Variants in NTN1 observed in about 807,000 individuals in gnomAD.
NTN1 encodes netrin 1, also known as netrin-1.
In NTN1, 11 loss-of-function variants were observed where a neutral mutation model predicts 54.2. The observed-to-expected ratio is 0.20, with a 90% confidence interval of 0.13 to 0.34. The LOEUF is 0.34. NTN1 is among the 10% of genes least tolerant of loss of function. The probability of loss-of-function intolerance (pLI) is 1.00; values close to 1 mark genes in which losing one functional copy is unlikely to be tolerated. For synonymous variants in NTN1, 371 were observed against 382.0 expected (o/e 0.97, Z 0.33); for missense variants, 740 against 893.1 (o/e 0.83, Z 2.18).
intron 4 of NTN1, among the ~76,000 whole-genome samples, chr17:9,180,998 C>T (rs935973128): frequency 5.3e-5 from 8 of 152,150 alleles, no homozygotes; most frequent in Non-Finnish European, 1.5e-5. Flanking sequence ...GCTGAGGTCT[C>T]CCGTCAGGGA....
chr17:9,005,603 T>C, the NTN1 span, among the ~76,000 whole-genome samples: 1 of 152,174 alleles, frequency 6.6e-6, no homozygotes, highest in Admixed American at 6.5e-5. Flanking sequence ...ATCAGGTTCT[T>C]TACCTAGCAG....
Position 9,243,338 on chromosome 17 carries a change from C to G in NTN1, c.*3370C>G, listed in dbSNP as rs78601898. 2 of 150,270 alleles carry G rather than the reference C, an allele frequency of 1.3e-5. No homozygotes were observed. Among genetic ancestry groups the G allele is most frequent in the African/African-American group, 5.1e-5 (2 of 39,560 alleles). 9.3% of individuals were successfully genotyped at this position (150,270 alleles called of 1,614,324 possible). ...CAAGGCCCTGGAACTCTGCCTCAGT[C>G]GCGGCATGCTGGAGAGGGGTACGGA... On this transcript the variant is annotated 3_prime_UTR_variant, in exon 7 of 7. Transcript: ENST00000173229.
intron 2 of NTN1, among the ~76,000 whole-genome samples, chr17:9,040,183 C>A (rs1033044637): frequency 4.6e-5 from 7 of 152,154 alleles, no homozygotes; most frequent in African/African-American, 1.7e-4. Flanking sequence ...GAAATTTTAG[C>A]CATTCCAATA....
At chr17:9,042,035 A>G (rs371559995) in intron 2 of NTN1, among the ~76,000 whole-genome samples, 1 of 151,430 alleles carries the variant, frequency 6.6e-6, no homozygotes, top group African/African-American at 2.4e-5. Context: ...AAGACAACTA[A>G]CTGTGTTTAA....
At chr17:9,105,061 G>T (rs2092161638) in intron 2 of NTN1, among the ~76,000 whole-genome samples, 1 of 152,216 alleles carries the variant, frequency 6.6e-6, no homozygotes, top group Non-Finnish European at 1.5e-5. Flanking sequence ...GAGAGACCCG[G>T]CAGTCCAAGG....
intron 2 of NTN1, among the ~76,000 whole-genome samples, chr17:9,074,182 G>A (rs556582339): frequency 6.6e-6 from 1 of 152,206 alleles, no homozygotes; most frequent in African/African-American, 2.4e-5. Flanking sequence ...GAACCAGTGC[G>A]GGAGGGAAGC....
chr17:9,190,324 C>T (rs1012833182), intron 5 of NTN1, among the ~76,000 whole-genome samples: 5 of 152,272 alleles, frequency 3.3e-5, no homozygotes, highest in African/African-American at 1.2e-4. Context: ...TATCAGTTCG[C>T]CCAGAAATAA....
At chr17:9,204,864 G>C (rs1368161652) in intron 5 of NTN1, among the ~76,000 whole-genome samples, 1 of 152,012 alleles carries the variant, frequency 6.6e-6, no homozygotes, top group Non-Finnish European at 1.5e-5. Flanking sequence ...ATGAGGTTGG[G>C]TAGAGTAACC....
intron 2 of NTN1, among the ~76,000 whole-genome samples, chr17:9,050,071 C>T (rs1368696667): frequency 6.6e-6 from 1 of 151,274 alleles, no homozygotes; most frequent in Non-Finnish European, 1.5e-5. Context: ...ATGGTGAAAC[C>T]CCGTCTCTAC....
chr17:9,107,941 C>CATCT (rs1431888214), intron 2 of NTN1, among the ~76,000 whole-genome samples: 1 of 152,180 alleles, frequency 6.6e-6, no homozygotes, highest in African/African-American at 2.4e-5. Context: ...GCTTGAAACC[C>CATCT]ATCTATTCAC....
the NTN1 span, among the ~76,000 whole-genome samples, chr17:9,009,643 A>AT: frequency 2.0e-5 from 3 of 152,048 alleles, no homozygotes; most frequent in Non-Finnish European, 4.4e-5. Flanking sequence ...GCAATACCTC[A>AT]TTTTACTGAC....
At chr17:9,035,529 C>T (rs1266464248) in intron 2 of NTN1, among the ~76,000 whole-genome samples, 1 of 152,140 alleles carries the variant, frequency 6.6e-6, no homozygotes, top group African/African-American at 2.4e-5. Context: ...GGGTGTGTAT[C>T]AAGAAGGGGA....
At chr17:9,179,265 G>C (rs1296925621) in intron 3 of NTN1, 1 of 153,232 alleles carries the variant, frequency 6.5e-6, no homozygotes, top group East Asian at 1.9e-4. Flanking sequence ...GTCAGGTGTT[G>C]GGGGGCAGCA....
chr17:9,086,605 A>G (rs969703844), intron 2 of NTN1, among the ~76,000 whole-genome samples: 6 of 152,158 alleles, frequency 3.9e-5, no homozygotes, highest in African/African-American at 1.2e-4. Context: ...CGCTTCCTGG[A>G]GGAAATGAAA....
chr17:9,060,410 C>T (rs561287947), intron 2 of NTN1, among the ~76,000 whole-genome samples: 1 of 152,260 alleles, frequency 6.6e-6, no homozygotes, highest in African/African-American at 2.4e-5. Flanking sequence ...ATAAGGCTTC[C>T]AGTCAACAGT....
At chr17:9,126,629 C>T (rs777461954) in intron 2 of NTN1, among the ~76,000 whole-genome samples, 9 of 152,214 alleles carry the variant, frequency 5.9e-5, no homozygotes, top group Non-Finnish European at 1.3e-4. Flanking sequence ...GCCCCTTCTG[C>T]TCTGGCTCAG....
At chr17:9,179,535 G>A (rs1597522302) in intron 3 of NTN1, among the ~76,000 whole-genome samples, 1 of 152,186 alleles carries the variant, frequency 6.6e-6, no homozygotes, top group East Asian at 1.9e-4. Context: ...CCTTCCTCCT[G>A]GGCTTCCAAA....
At chr17:9,226,470 T>TGTCTCGTGGGGAGGCG (rs1251500628) in intron 6 of NTN1, among the ~76,000 whole-genome samples, 18 of 49,166 alleles carry the variant, frequency 3.7e-4, no homozygotes, top group South Asian at 7.8e-4. Context: ...GTGGGGAGGC[T>TGTCTCGTGGGGAGGCG]GTCTCGTGGG....
rs868865853 is a variant in NTN1, at chr17:9,022,518, C to A, written c.145C>A (p.Arg49Ser). The A allele has an allele frequency of 1.3e-6, 2 of 1,548,500 alleles. No individual in the cohort carries two copies. Among genetic ancestry groups the A allele is most frequent in the Non-Finnish European group, 1.7e-6 (2 of 1,150,342 alleles). The change falls in exon 2 of 7, where the codon CGC becomes AGC. Residue 49 changes from arginine to serine, a missense_variant. By Grantham distance (110) the Arg-to-Ser change is moderately radical (BLOSUM62 -1). Transcript: ENST00000173229. ...DPCSDENGHP[R>S]RCIPDFVNAA... ...CTGCTCGGACGAGAACGGCCACCCG[C>A]GCCGCTGCATCCCGGACTTTGTCAA... is the stretch of plus-strand genomic sequence containing the variant.
Sources: allele counts gnomAD v4.1 joint callset (sites outside exome capture counted in the v4.1 genomes callset), GRCh38; gene constraint gnomAD v4.1.1; transcripts MANE v1.5; gene names NCBI Gene and HGNC (gene_info 2026-07-23, HGNC 2026-07-21).